The following ZNF732 variants were observed in gnomAD, a reference collection of about 807,000 sequenced individuals.
The protein encoded by ZNF732 is zinc finger protein 732.
In ZNF732, 12 loss-of-function variants were observed where a neutral mutation model predicts 11.5. The observed-to-expected ratio is 1.05, with a 90% CI of 0.67 to 1.70. The LOEUF is 1.70. ZNF732 is among the 40% of genes most tolerant of loss of function. The pLI is 0.00. For missense variants in ZNF732, 702 were observed against 676.9 expected, an observed-to-expected ratio of 1.04 and a Z score of -0.41; for synonymous variants, 231 against 236.5, an observed-to-expected ratio of 0.98 and a Z score of 0.21.
chr4:296,263 T>C, intron 1 of ZNF732, 108 bp from the exon 2 acceptor site: 1 of 1,435,812 alleles, frequency 7.0e-7, no homozygotes, highest in Non-Finnish European at 9.4e-7. Context: ...TCTGATAAAA[T>C]AACTTTCAAC....
At chr4:289,232 T>G (rs1719791680) in intron 3 of ZNF732, among the ~76,000 whole-genome samples, 1 of 152,232 alleles carries the variant, frequency 6.6e-6, no homozygotes, top group African/African-American at 2.4e-5. Flanking sequence ...TTCTGTGAAG[T>G]GAGACTTGGG....
At position 271,202 on chromosome 4, in the gene ZNF732, T is replaced by A; in HGVS notation, c.1655A>T (p.His552Leu). The A allele has an allele frequency of 1.3e-6, 2 of 1,555,484 alleles. No individual in the cohort carries two copies. Among genetic ancestry groups the A allele is most frequent in the Non-Finnish European group, 1.7e-6 (2 of 1,148,956 alleles). ...ACATTTGGGGGTTTTATCTCCAGTA[T>A]GAATTGTCTTATATTTATTCAGGAC... ...SRVLNKYKTI[H>L]TGDKTPKCKG... Residue 552 changes from histidine to leucine, a missense_variant, in exon 4 of 4, where the codon CAT becomes CTT. Coordinates refer to ENST00000419098, the MANE Select transcript of ZNF732 (RefSeq NM_001137608.3).
chr4:298,606 T>C (rs1224298351), intron 1 of ZNF732, among the ~76,000 whole-genome samples: 1 of 152,158 alleles, frequency 6.6e-6, no homozygotes, highest in Non-Finnish European at 1.5e-5. Flanking sequence ...CAGGTGCTGG[T>C]TGAGTGTCCC....
intron 3 of ZNF732, among the ~76,000 whole-genome samples, chr4:274,790 A>C (rs1247838778): frequency 2.0e-5 from 3 of 151,722 alleles, no homozygotes; most frequent in Non-Finnish European, 4.4e-5. Context: ...GTCATAAGAA[A>C]GAAGGACATT....
At position 299,465 on chromosome 4, in the gene ZNF732, A is replaced by G. The variant is rs535658417; in HGVS notation, c.4-3310T>C. The stretch of plus-strand genomic sequence containing the variant: ...TATATATATATACACATATGTGTAT[A>G]TATATATACACATATATACACATAT... On this transcript the variant is annotated intron_variant, in intron 1 of 3. Transcript: ENST00000419098. Among the ~76,000 whole-genome samples the G allele has an allele frequency of 3.5e-3, 238 of 68,440 alleles. 13 individuals carry two copies. Among genetic ancestry groups the G allele is most frequent in the African/African-American group, 4.2e-3 (78 of 18,774 alleles). The allele number at this position is 68,440 out of a possible 152,430, so 44.9% of individuals were successfully genotyped here. A position where few individuals can be genotyped will look rare whatever the true frequency, so the allele number is the denominator to read the frequency against.
At chr4:293,012 G>A (rs1719872082) in intron 3 of ZNF732, among the ~76,000 whole-genome samples, 1 of 131,128 alleles carries the variant, frequency 7.6e-6, no homozygotes, top group Admixed American at 8.8e-5. Context: ...AGGTTGCAGT[G>A]AGCCGAGATC....
chr4:298,239 A>G (rs1057377743), intron 1 of ZNF732, among the ~76,000 whole-genome samples: 1 of 152,168 alleles, frequency 6.6e-6, no homozygotes, highest in Non-Finnish European at 1.5e-5. Context: ...GTCCTGTACA[A>G]TTTCCATCTT....
At chr4:288,136 T>G (rs1382715694) in intron 3 of ZNF732, among the ~76,000 whole-genome samples, 1 of 152,236 alleles carries the variant, frequency 6.6e-6, no homozygotes, top group Admixed American at 6.5e-5. Context: ...TTTTTGGAAT[T>G]GTTTATTCTG....
chr4:300,989 T>A (rs1336542053), intron 1 of ZNF732, among the ~76,000 whole-genome samples: 3 of 151,942 alleles, frequency 2.0e-5, no homozygotes, highest in East Asian at 1.9e-4. Context: ...AGAGCTAATA[T>A]CCAGAATCTA....
rs553768624 is a variant in ZNF732, at chr4:281,841, C to T, written c.227-9211G>A. On this transcript the variant is annotated intron_variant, in intron 3 of 3. Coordinates refer to ENST00000419098, the MANE Select transcript of ZNF732 (RefSeq NM_001137608.3). ...GCATGAAAGGAAACTAAAAATGCTC[C>T]AGGAAGCACTAACAATAAAACACAG... Among the ~76,000 whole-genome samples the T allele has an allele frequency of 4.5e-4, 68 of 152,200 alleles. 1 individual carries two copies. The highest frequency in any genetic ancestry group is 1.5e-3 in the African/African-American group (61 of 41,530).
chr4:292,557 CAAAA>C (rs200025940), intron 3 of ZNF732, among the ~76,000 whole-genome samples: 3 of 89,976 alleles, frequency 3.3e-5, no homozygotes, highest in African/African-American at 1.2e-4. Flanking sequence ...AACTCTGTCT[CAAAA>C]AAAAAAAAAA....
intron 1 of ZNF732, among the ~76,000 whole-genome samples, chr4:300,454 C>CAAAA (rs559629684): frequency 2.0e-4 from 12 of 58,554 alleles, no homozygotes; most frequent in East Asian, 1.2e-3. Flanking sequence ...GACTCTGTCT[C>CAAAA]AAAAAAAAAA....
chr4:284,952 C>T (rs576386397), intron 3 of ZNF732, among the ~76,000 whole-genome samples: 36 of 147,036 alleles, frequency 2.4e-4, no homozygotes, highest in African/African-American at 9.0e-4. Context: ...AAAGAATTTA[C>T]ATATAAAAGT....
chr4:272,771 A>G, intron 3 of ZNF732, 141 bp from the exon 4 acceptor site: 2 of 839,268 alleles, frequency 2.4e-6, no homozygotes. Context: ...TCACAGACAT[A>G]TATATGTAAC....
chr4:295,174 T>C (rs1719920403), intron 3 of ZNF732, among the ~76,000 whole-genome samples: 2 of 152,338 alleles, frequency 1.3e-5, no homozygotes, highest in South Asian at 4.1e-4. Flanking sequence ...AGCAGTCAGA[T>C]CATGCAGCCC....
At chr4:276,859 G>A (rs1553838767) in intron 3 of ZNF732, among the ~76,000 whole-genome samples, 1 of 151,232 alleles carries the variant, frequency 6.6e-6, no homozygotes, top group Non-Finnish European at 1.5e-5. Context: ...GTAATCCTAA[G>A]GGGGGGACAA....
intron 3 of ZNF732, among the ~76,000 whole-genome samples, chr4:291,595 G>C (rs1553841355): frequency 6.6e-6 from 1 of 152,034 alleles, no homozygotes; most frequent in African/African-American, 2.4e-5. Flanking sequence ...GACACAAATA[G>C]ATAAAACCAG....
At chr4:283,491 G>A (rs1186473652) in intron 3 of ZNF732, among the ~76,000 whole-genome samples, 1 of 149,736 alleles carries the variant, frequency 6.7e-6, no homozygotes, top group Non-Finnish European at 1.5e-5. Flanking sequence ...AGACAAAATA[G>A]ACTTCTAAAA....
At position 272,214 on chromosome 4, in the gene ZNF732, T is replaced by C; in HGVS notation, c.643A>G (p.Ile215Val). Residue 215 changes from isoleucine to valine, a missense_variant, in exon 4 of 4, where the codon ATA becomes GTA. This residue lies in a region of ZNF732 where 596 missense variants were observed against 557.9 expected (regional missense o/e 1.07). Coordinates refer to ENST00000419098, the MANE Select transcript of ZNF732 (RefSeq NM_001137608.3). ...KWYLIFNEYEIIHTGEKPFTC... is the reference protein window; with the variant it reads ...KWYLIFNEYEVIHTGEKPFTC... The stretch of plus-strand genomic sequence containing the variant: ...AAGGGTTTCTCTCCAGTATGAATTA[T>C]CTCATATTCATTAAAGATTAAATAC... The C allele has an allele frequency of 1.2e-6, 2 of 1,612,848 alleles. No homozygotes were observed. The highest frequency in any genetic ancestry group is 8.5e-7 in the Non-Finnish European group (1 of 1,179,336).
Sources: allele counts gnomAD v4.1 joint callset (sites outside exome capture counted in the v4.1 genomes callset), GRCh38; gene constraint gnomAD v4.1.1; regional missense constraint gnomAD v4.1.1; transcripts MANE v1.5; gene names NCBI Gene and HGNC (gene_info 2026-07-23, HGNC 2026-07-21).